The following ASXL2 variants were observed in gnomAD, a reference collection of about 807,000 sequenced individuals.
ASXL2 encodes the protein ASXL transcriptional regulator 2.
ASXL2 carries 23 observed loss-of-function variants against 122.0 expected under a neutral mutation model. The observed-to-expected ratio is 0.19, with a 90% confidence interval of 0.14 to 0.27. ASXL2 has a LOEUF of 0.27. Ranked by LOEUF, ASXL2 falls within the 10% of genes least tolerant of loss-of-function variation. ASXL2 has a pLI of 1.00. For missense variants in ASXL2, 1,518 were observed against 1,713.8 expected (o/e 0.89, Z 2.02); for synonymous variants, 650 against 637.0 (o/e 1.02, Z -0.31).
intron 3 of ASXL2, among the ~76,000 whole-genome samples, chr2:25,832,475 CA>C (rs896239354): frequency 2.1e-4 from 32 of 149,918 alleles, no homozygotes; most frequent in African/African-American, 7.8e-4. Flanking sequence ...AAACAGAAAA[CA>C]AAAAAACAAA....
At chr2:25,832,708 A>AT (rs1306494320) in intron 3 of ASXL2, among the ~76,000 whole-genome samples, 2 of 152,246 alleles carry the variant, frequency 1.3e-5, no homozygotes, top group African/African-American at 2.4e-5. Flanking sequence ...AGAATGGAAA[A>AT]TGTATGCCCA....
intron 1 of ASXL2, among the ~76,000 whole-genome samples, chr2:25,875,548 A>G (rs1337607934): frequency 6.6e-6 from 1 of 152,064 alleles, no homozygotes; most frequent in East Asian, 1.9e-4. Flanking sequence ...ATAACCTTAC[A>G]TCAAACCATG....
rs566441909 is a variant in ASXL2 at position 25,792,711 on chromosome 2, T to A, written c.403+6674A>T. Among the ~76,000 whole-genome samples the A allele has an allele frequency of 1.2e-4, 18 of 151,936 alleles. No individual in the cohort carries two copies. In the South Asian group the frequency reaches 3.5e-3, roughly 30 times the overall value. ...TCCGAGGCCTCCTGGGTTCAAGTGA[T>A]TCTCTTGCCTCAGCCTCCCGAGTAG... On this transcript the variant is annotated intron_variant, in intron 5 of 12. Transcript: ENST00000435504.
intron 11 of ASXL2, 105 bp from the exon 12 acceptor site, chr2:25,750,518 G>C: frequency 1.0e-6 from 1 of 964,820 alleles, no homozygotes. Context: ...GAGAACCCCT[G>C]ACACAGCAGG....
At chr2:25,839,980 C>T (rs1171506937) in intron 2 of ASXL2, among the ~76,000 whole-genome samples, 1 of 150,830 alleles carries the variant, frequency 6.6e-6, no homozygotes, top group African/African-American at 2.4e-5. Context: ...ATCCTCTCGT[C>T]TCAGCTTCCC....
In ASXL2 at chr2:25,799,269, T is replaced by C; in HGVS notation, c.403+116A>G. 2.8e-6 allele frequency: 4 copies of C among 1,403,800 alleles called. No homozygotes were observed. In the South Asian group the frequency reaches 3.8e-5, roughly 13 times the overall value. 87.0% of individuals were successfully genotyped at this position (1,403,800 alleles called of 1,614,324 possible). ...AGAAAACTCTCCTTGACAGGACTGT[T>C]ATAGAGGGTAAGGGAAAGTGACTGA... is the stretch of plus-strand genomic sequence containing the variant. On this transcript the variant is annotated intron_variant, in intron 5 of 12. Coordinates refer to ENST00000435504, the MANE Select transcript of ASXL2 (RefSeq NM_018263.6).
At chr2:25,819,773 T>C (rs1374581740) in intron 3 of ASXL2, among the ~76,000 whole-genome samples, 1 of 152,186 alleles carries the variant, frequency 6.6e-6, no homozygotes, top group Non-Finnish European at 1.5e-5. Flanking sequence ...GTGGGAGAAT[T>C]ACCAAATCTG....
At chr2:25,755,860 G>T (rs2088121087) in intron 10 of ASXL2, among the ~76,000 whole-genome samples, 158 bp downstream of exon 10, 1 of 152,214 alleles carries the variant, frequency 6.6e-6, no homozygotes, top group Non-Finnish European at 1.5e-5. Context: ...ATAGGCTCTA[G>T]ATAAAAGTTT....
At chr2:25,856,504 G>T in intron 1 of ASXL2, 1 of 1,081,056 alleles carries the variant, frequency 9.3e-7, no homozygotes. Context: ...AGCAAAGACA[G>T]CCTTGTCCCC....
chr2:25,805,285 C>G lies in ASXL2; in HGVS notation c.252+944G>C, dbSNP rs1010583549. The stretch of plus-strand genomic sequence containing the variant: ...GAGAATGTAATGTAAAGCATCTAGG[C>G]AGAATGCTCCAAAGAAACAATTATT... On this transcript the variant is annotated intron_variant, in intron 4 of 12. Coordinates refer to ENST00000435504, the MANE Select transcript of ASXL2 (RefSeq NM_018263.6). Among the ~76,000 whole-genome samples, 118 of 152,268 alleles carry G rather than the reference C, an allele frequency of 7.7e-4. 1 individual carries two copies. The highest frequency in any genetic ancestry group is 2.8e-3 in the African/African-American group (115 of 41,562).
intron 1 of ASXL2, chr2:25,857,091 G>GA (rs143140860): frequency 1.0e-4 from 2 of 19,980 alleles, no homozygotes; most frequent in Non-Finnish European, 1.5e-4. Flanking sequence ...TGGGGGGGGC[G>GA]GGGGGGGGGA....
chr2:25,816,278 G>A (rs1300978402), intron 3 of ASXL2, among the ~76,000 whole-genome samples: 3 of 151,900 alleles, frequency 2.0e-5, no homozygotes, highest in South Asian at 2.1e-4. Flanking sequence ...AATCTTAAGC[G>A]TCAAGGATAA....
intron 5 of ASXL2, among the ~76,000 whole-genome samples, chr2:25,797,707 C>T (rs1468936021): frequency 1.3e-5 from 2 of 152,130 alleles, no homozygotes; most frequent in African/African-American, 4.8e-5. Flanking sequence ...ACCTATCAGG[C>T]CAAAATCCAC....
chr2:25,743,928 A>T lies in ASXL2; in HGVS notation c.2409T>A (p.Asn803Lys), dbSNP rs531518064. The T allele has an allele frequency of 9.9e-6, 16 of 1,613,924 alleles. No individual in the cohort carries two copies. In the African/African-American group the frequency reaches 2.0e-4, roughly 20 times the overall value. Residue 803 changes from asparagine to lysine, a missense_variant, in exon 13 of 13, where the codon AAT becomes AAA. By Grantham distance (94) the Asn-to-Lys change is moderately conservative. Coordinates refer to ENST00000435504, the MANE Select transcript of ASXL2 (RefSeq NM_018263.6). ...TTGCTCTGGTGGGGTTCAGTTTTTC[A>T]TTATCCAATTTCTCTATGTGGGCTG... ...PSPAHIEKLD[N>K]EKLNPTRATA... is the part of the protein sequence containing the mutation.
intron 1 of ASXL2, among the ~76,000 whole-genome samples, chr2:25,865,925 G>GT (rs1309490134): frequency 6.6e-6 from 1 of 151,766 alleles, no homozygotes; most frequent in African/African-American, 2.4e-5. Context: ...GTGGACACGT[G>GT]TAACCACATT....
At chr2:25,843,036 C>T (rs2089605990) in intron 2 of ASXL2, among the ~76,000 whole-genome samples, 3 of 150,536 alleles carry the variant, frequency 2.0e-5, no homozygotes, top group Non-Finnish European at 4.4e-5. Flanking sequence ...CACGGTGGCT[C>T]ACGCCTGTAA....
At chr2:25,799,972 C>T (rs965521561) in intron 4 of ASXL2, among the ~76,000 whole-genome samples, 4 of 142,190 alleles carry the variant, frequency 2.8e-5, no homozygotes, top group South Asian at 2.2e-4. Flanking sequence ...TGGTGAAACC[C>T]GTCTCTACAA....
Position 25,806,384 on chromosome 2 carries a change from C to T in ASXL2, c.144-47G>A, listed in dbSNP as rs373063209. ...TGATAAGGAACACAACAATTAATTT[C>T]TGTCTCTGAATATCCTATGTAACAC... On this transcript the variant is annotated intron_variant, in intron 3 of 12. Transcript: ENST00000435504. The T allele has an allele frequency of 1.8e-4, 242 of 1,329,562 alleles. 1 individual carries two copies. In the African/African-American group the frequency reaches 3.0e-3, roughly 17 times the overall value. The allele number at this position is 1,329,562 out of a possible 1,614,324, so 82.4% of individuals were successfully genotyped here. A position where few individuals can be genotyped will look rare whatever the true frequency, so the allele number is the denominator to read the frequency against.
Position 25,830,369 on chromosome 2 carries a change from C to T in ASXL2, c.143+5169G>A, listed in dbSNP as rs1164642467. ...AGAGTAGGCCGAATGCAGCGGCTCA[C>T]GCCTGTAATCCCAGCACTTTGGGAG... On this transcript the variant is annotated intron_variant, in intron 3 of 12. Transcript: ENST00000435504. Among the ~76,000 whole-genome samples, 9 of 152,274 alleles carry T rather than the reference C, an allele frequency of 5.9e-5. No individual in the cohort carries two copies. In the South Asian group the frequency reaches 1.2e-3, roughly 21 times the overall value.
Sources: allele counts gnomAD v4.1 joint callset (sites outside exome capture counted in the v4.1 genomes callset), GRCh38; gene constraint gnomAD v4.1.1; transcripts MANE v1.5; gene names NCBI Gene and HGNC (gene_info 2026-07-23, HGNC 2026-07-21).